The following BCAS3 variants were observed in gnomAD, a reference collection of about 807,000 sequenced individuals.
The protein encoded by BCAS3 is BCAS4/BCAS3 fusion.
BCAS3 carries 53 observed loss-of-function variants against 116.1 expected under a neutral mutation model. The ratio of observed to expected loss-of-function variants is 0.46; its 90% confidence interval spans 0.37 to 0.57. BCAS3 has a LOEUF of 0.57. Ranked by LOEUF, BCAS3 falls within the 20% of genes least tolerant of loss-of-function variation. The probability of loss-of-function intolerance (pLI) is 0.00; values close to 1 mark genes in which losing one functional copy is unlikely to be tolerated. For missense variants in BCAS3, 917 were observed against 1,165.4 expected (o/e 0.79, Z 3.10); for synonymous variants, 391 against 408.2 (o/e 0.96, Z 0.51).
intron 19 of BCAS3, among the ~76,000 whole-genome samples, chr17:61,045,333 A>G (rs1403104018): frequency 6.6e-6 from 1 of 151,532 alleles, no homozygotes; most frequent in Non-Finnish European, 1.5e-5. Context: ...ACATAGAGAG[A>G]CCCTGTCTCT....
At chr17:61,225,630 G>A (rs1006702735) in intron 22 of BCAS3, among the ~76,000 whole-genome samples, 2 of 152,152 alleles carry the variant, frequency 1.3e-5, no homozygotes, top group Non-Finnish European at 2.9e-5. Flanking sequence ...TTCTATAAGT[G>A]TGTCTCTGTG....
chr17:60,957,485 C>T (rs1291447569), intron 14 of BCAS3, among the ~76,000 whole-genome samples: 1 of 152,076 alleles, frequency 6.6e-6, no homozygotes, highest in Non-Finnish European at 1.5e-5. Context: ...TATCTATAGT[C>T]ATGTAATTCT....
chr17:61,218,529 C>T (rs2081934745), intron 22 of BCAS3, among the ~76,000 whole-genome samples: 1 of 152,202 alleles, frequency 6.6e-6, no homozygotes, highest in African/African-American at 2.4e-5. Flanking sequence ...TAATGACTCC[C>T]TTCCTCTCAC....
Position 61,239,374 on chromosome 17 carries a change from A to G in BCAS3, c.2426-128953A>G, listed in dbSNP as rs1213832921. ...ATAATGATTAGCTCTACAGATTTTC[A>G]GCTTTTTGTTTTGGGGTTTTTTGTT... On this transcript the variant is annotated intron_variant, in intron 22 of 23. Coordinates refer to ENST00000407086, the MANE Select transcript of BCAS3 (RefSeq NM_017679.5). The surrounding 1 kb of genome is among the most constrained non-coding windows in gnomAD (Gnocchi z 4.2). Among the ~76,000 whole-genome samples, 1 of 152,212 alleles carries G rather than the reference A, an allele frequency of 6.6e-6. No homozygotes were observed. Among genetic ancestry groups the G allele is most frequent in the Non-Finnish European group, 1.5e-5 (1 of 68,036 alleles).
intron 2 of BCAS3, among the ~76,000 whole-genome samples, chr17:60,682,477 G>A (rs2033316065): frequency 6.6e-6 from 1 of 152,144 alleles, no homozygotes. Context: ...TTTCAAGTGT[G>A]ATTTTTCACA....
intron 22 of BCAS3, among the ~76,000 whole-genome samples, chr17:61,150,496 C>T (rs2077486632): frequency 6.6e-6 from 1 of 152,140 alleles, no homozygotes; most frequent in Admixed American, 6.6e-5. Flanking sequence ...TGGGAACAAT[C>T]GTACAAGATG....
chr17:61,100,979 ATT>A (rs1263455590), intron 22 of BCAS3, among the ~76,000 whole-genome samples: 1 of 152,042 alleles, frequency 6.6e-6, no homozygotes, highest in Non-Finnish European at 1.5e-5. Flanking sequence ...TGAAACCTTC[ATT>A]TTTTCCCGGA....
At chr17:60,911,123 CTTTT>C (rs1162942971) in intron 12 of BCAS3, among the ~76,000 whole-genome samples, 19 of 88,268 alleles carry the variant, frequency 2.2e-4, no homozygotes, top group East Asian at 1.2e-3. Context: ...TTTTTTCTTT[CTTTT>C]TTTTTTTTTT....
At chr17:61,284,180 C>T (rs1001189191) in intron 22 of BCAS3, among the ~76,000 whole-genome samples, 1 of 152,208 alleles carries the variant, frequency 6.6e-6, no homozygotes, top group Non-Finnish European at 1.5e-5. Flanking sequence ...GACCAATCAG[C>T]AGGATGTGGG....
intron 4 of BCAS3, among the ~76,000 whole-genome samples, chr17:60,701,817 A>AAGAAAAAAAAG (rs2036442562): frequency 6.7e-6 from 1 of 149,140 alleles, no homozygotes; most frequent in African/African-American, 2.5e-5. Context: ...AAAAAAAAAA[A>AAGAAAAAAAAG]AAAAGAAAAA....
intron 22 of BCAS3, among the ~76,000 whole-genome samples, chr17:61,253,280 C>T (rs1038092679): frequency 5.3e-5 from 8 of 150,626 alleles, no homozygotes; most frequent in Admixed American, 1.3e-4. Context: ...GGGCTGGGCC[C>T]GGTGGCTCAC....
At chr17:60,976,443 T>TA (rs1568012379) in intron 14 of BCAS3, among the ~76,000 whole-genome samples, 77 of 100,080 alleles carry the variant, frequency 7.7e-4, no homozygotes, top group Middle Eastern at 0.01. Context: ...ATATATATAT[T>TA]TTTTTTTTAG....
chr17:60,817,078 T>C (rs183590499), intron 7 of BCAS3, among the ~76,000 whole-genome samples: 3 of 152,316 alleles, frequency 2.0e-5, no homozygotes, highest in East Asian at 1.9e-4. Context: ...TTTTATCCTT[T>C]AGTAATAAAT....
At chr17:61,119,940 A>G (rs939723102) in intron 22 of BCAS3, among the ~76,000 whole-genome samples, 1 of 152,100 alleles carries the variant, frequency 6.6e-6, no homozygotes, top group Non-Finnish European at 1.5e-5. Flanking sequence ...GAAGAAAGAT[A>G]TAGAACCTAT....
chr17:60,918,560 C>T (rs940780847), intron 12 of BCAS3, among the ~76,000 whole-genome samples: 2 of 151,930 alleles, frequency 1.3e-5, no homozygotes, highest in Non-Finnish European at 2.9e-5. Flanking sequence ...ACATTTGTAC[C>T]CAACCTGTCT....
intron 22 of BCAS3, among the ~76,000 whole-genome samples, chr17:61,092,091 C>A (rs920691227): frequency 6.6e-6 from 1 of 152,176 alleles, no homozygotes; most frequent in African/African-American, 2.4e-5. Flanking sequence ...TATTAAACTT[C>A]ATATGATTGG....
In BCAS3 at chr17:61,309,642, G is replaced by T. The variant is rs8067732; in HGVS notation, c.2426-58685G>T. On this transcript the variant is annotated intron_variant, in intron 22 of 23. Coordinates refer to ENST00000407086, the MANE Select transcript of BCAS3 (RefSeq NM_017679.5). This position sits in a 1 kb window ranked among gnomAD's most constrained non-coding sequence, Gnocchi z 4.6. ...CCTCCTTTCCTGAAGCGTGTTCTCC[G>T]TCCCAAGGAAAACACACACATCCAG... 0.36 allele frequency among the ~76,000 whole-genome samples: 55,230 copies of T among 152,012 alleles called. 15,567 individuals are homozygous for T. The highest frequency in any genetic ancestry group is 0.79 in the African/African-American group (32,761 of 41,458).
At chr17:61,206,311 A>G (rs995878617) in intron 22 of BCAS3, among the ~76,000 whole-genome samples, 4 of 152,168 alleles carry the variant, frequency 2.6e-5, no homozygotes, top group African/African-American at 9.7e-5. Context: ...TCGTGTCTGC[A>G]GTGTTCTCCA....
At chr17:61,129,431 A>G (rs555581053) in intron 22 of BCAS3, among the ~76,000 whole-genome samples, 2 of 152,310 alleles carry the variant, frequency 1.3e-5, no homozygotes, top group East Asian at 1.9e-4. Flanking sequence ...TTCTAAGGAA[A>G]ACACTGCACT....
Sources: gnomAD v4.1 joint callset for allele counts (sites outside exome capture counted in the v4.1 genomes callset) on GRCh38, gnomAD v4.1.1 for gene constraint, Gnocchi (gnomAD v3.1) non-coding constraint, MANE v1.5 for transcripts, NCBI Gene and HGNC (gene_info 2026-07-23, HGNC 2026-07-21) for gene names.